CELSR1: variants seen among roughly 807,000 people sequenced by gnomAD.
CELSR1 encodes adhesion G protein-coupled receptor C1.
A neutral mutation model predicts 249.1 loss-of-function variants in CELSR1; 110 were observed. The observed-to-expected ratio is 0.44, with a 90% CI of 0.38 to 0.52. The LOEUF (loss-of-function observed/expected upper bound fraction) is 0.52. Among genes scored for constraint, CELSR1 ranks in the 20% least tolerant of loss-of-function variants. The pLI is 0.00. For synonymous variants in CELSR1, 2,113 were observed against 1,900.0 expected (o/e 1.11, Z -2.92); for missense variants, 4,109 against 4,296.4 (o/e 0.96, Z 1.22).
Position 46,380,966 on chromosome 22 carries a change from G to A in CELSR1, c.7089-11C>T. 1.2e-6 allele frequency: 2 copies of A among 1,610,276 alleles called. No individual in the cohort carries two copies. The highest frequency in any genetic ancestry group is 2.2e-5 in the South Asian group (2 of 90,994). On this transcript the variant is annotated splice_polypyrimidine_tract_variant and intron_variant, in intron 21 of 34. Coordinates refer to ENST00000674500, the MANE Select transcript of CELSR1 (RefSeq NM_001378328.1). The surrounding 1 kb of genome is among the most constrained non-coding windows in gnomAD (Gnocchi z 5.1). ...GGCCGGTGAGGCAACCTGAGGTCAAGAAGCCAGAGCATGGGGACAAACACG... is the reference window on the plus strand; with the variant it reads ...GGCCGGTGAGGCAACCTGAGGTCAAAAAGCCAGAGCATGGGGACAAACACG...
chr22:46,398,730 G>T lies in CELSR1; in HGVS notation c.5413-93C>A. 1 of 994,888 alleles carries T rather than the reference G, an allele frequency of 1.0e-6. No homozygotes were observed. The highest frequency in any genetic ancestry group is 1.5e-6 in the Non-Finnish European group (1 of 672,554). The allele number at this position is 994,888 out of a possible 1,614,324, so 61.6% of individuals were successfully genotyped here. On this transcript the variant is annotated intron_variant, in intron 10 of 34. Transcript: ENST00000674500. The surrounding 1 kb of genome is among the most constrained non-coding windows in gnomAD (Gnocchi z 7.2). ...GAAGGATACACTGGAAGTCTAAACA[G>T]TCACTTCAACAAACTCCGCAGAGCC...
rs1177229784 is a variant in CELSR1, at chr22:46,362,874, C to T, written c.*349G>A. 2.3e-6 allele frequency: 1 copy of T among 434,628 alleles called. No individual in the cohort carries two copies. Among genetic ancestry groups the T allele is most frequent in the East Asian group, 3.6e-5 (1 of 27,870 alleles). 26.9% of individuals were successfully genotyped at this position (434,628 alleles called of 1,614,324 possible). On this transcript the variant is annotated 3_prime_UTR_variant, in exon 35 of 35. Transcript: ENST00000674500. The stretch of plus-strand genomic sequence containing the variant: ...GTGCCCGGCGTTCCTGAACTCTGGC[C>T]AGCCTCTGGGCCCAGTCTGGGGTCC...
rs1245680548 is a variant in CELSR1 at position 46,374,902 on chromosome 22, C to T, written c.7585-1845G>A. Among the ~76,000 whole-genome samples the T allele has an allele frequency of 1.3e-5, 2 of 152,188 alleles. No homozygotes were observed. Among genetic ancestry groups the T allele is most frequent in the African/African-American group, 2.4e-5 (1 of 41,456 alleles). On this transcript the variant is annotated intron_variant, in intron 24 of 34. Transcript: ENST00000674500. The surrounding 1 kb of genome is among the most constrained non-coding windows in gnomAD (Gnocchi z 4.3). ...CGGAGCCCCCGCCAGCCCGGGGCCT[C>T]GGCCTCGGGAAGCACCTGGGAGGCG...
Position 46,389,381 on chromosome 22 carries a change from G to C in CELSR1, c.6464C>G (p.Thr2155Arg). ...TGTLFGNDVR[T>R]AYQLLGHVLQ... The stretch of plus-strand genomic sequence containing the variant: ...GACGTGGCCCAGCAGCTGGTAGGCC[G>C]TGCGCACGTCATTGCCAAAGAGCGT... Residue 2155 changes from threonine (T) to arginine (R), a missense_variant, in exon 18 of 35, where the codon ACG becomes AGG. Around this residue, in one of 7 missense-constraint regions of CELSR1, gnomAD observed 1,805 missense variants for 1,831.6 expected, o/e 0.99. Transcript: ENST00000674500. The C allele has an allele frequency of 1.2e-6, 2 of 1,611,234 alleles. No homozygotes were observed. The highest frequency in any genetic ancestry group is 1.7e-6 in the Non-Finnish European group (2 of 1,179,894).
Position 46,445,012 on chromosome 22 carries a change from G to C in CELSR1, c.4184-5601C>G, listed in dbSNP as rs150223969. 1.3e-5 allele frequency among the ~76,000 whole-genome samples: 2 copies of C among 151,724 alleles called. No individual in the cohort carries two copies. Among genetic ancestry groups the C allele is most frequent in the African/African-American group, 4.8e-5 (2 of 41,296 alleles). On this transcript the variant is annotated intron_variant, in intron 2 of 34. Transcript: ENST00000674500. This position sits in a 1 kb window ranked among gnomAD's most constrained non-coding sequence, Gnocchi z 4.4. ...CCTGAGATCAGGGGTTCGCGAGCCT[G>C]GCCAACATGGTGAAACCCAATCTCT...
At chr22:46,498,472 C>A (rs566314222) in intron 1 of CELSR1, among the ~76,000 whole-genome samples, 9 of 149,384 alleles carry the variant, frequency 6.0e-5, no homozygotes, top group African/African-American at 2.0e-4. Flanking sequence ...ATTAGCCGGG[C>A]GTGGTGGCAG....
Position 46,410,441 on chromosome 22 carries a change from A to G in CELSR1, c.4890T>C (p.Asn1630=), listed in dbSNP as rs1187333064. 3 of 1,613,790 alleles carry G rather than the reference A, an allele frequency of 1.9e-6. No individual in the cohort carries two copies. Among genetic ancestry groups the G allele is most frequent in the Admixed American group, 3.3e-5 (2 of 59,998 alleles). The change falls in exon 7 of 35, where the codon AAT becomes AAC. Residue 1630 remains asparagine (N), a synonymous_variant. Coordinates refer to ENST00000674500, the MANE Select transcript of CELSR1 (RefSeq NM_001378328.1). The surrounding 1 kb of genome is among the most constrained non-coding windows in gnomAD (Gnocchi z 6.8). The part of the protein sequence containing the change: ...CMRNLSVDGK[N]VDMAGFIANN... ...TGGCGATGAATCCGGCCATGTCCAC[A>G]TTTTTGCCGTCGACTGACAGGTTCC...
chr22:46,464,804 T>G lies in CELSR1; in HGVS notation c.3545-459A>C, dbSNP rs1157589130. Among the ~76,000 whole-genome samples, 1 of 151,878 alleles carries G rather than the reference T, an allele frequency of 6.6e-6. No individual in the cohort carries two copies. The highest frequency in any genetic ancestry group is 1.5e-5 in the Non-Finnish European group (1 of 67,974). ...TCCAGGGATCCCACCCTGCCCAACC[T>G]CCCAACAGTTCTTCCTGTCCTCGCA... On this transcript the variant is annotated intron_variant, in intron 1 of 34. Coordinates refer to ENST00000674500, the MANE Select transcript of CELSR1 (RefSeq NM_001378328.1). This position sits in a 1 kb window ranked among gnomAD's most constrained non-coding sequence, Gnocchi z 8.5.
At chr22:46,431,154 T>C (rs1378631840) in intron 5 of CELSR1, among the ~76,000 whole-genome samples, 3 of 152,214 alleles carry the variant, frequency 2.0e-5, no homozygotes, top group East Asian at 3.9e-4. Context: ...TCTTCTTACA[T>C]GAGGCCCCTC....
In CELSR1 at chr22:46,365,701, A is replaced by G; in HGVS notation, c.8301-12T>C. The G allele has an allele frequency of 6.4e-7, 1 of 1,558,408 alleles. No individual in the cohort carries two copies. Among genetic ancestry groups the G allele is most frequent in the South Asian group, 1.2e-5 (1 of 84,878 alleles). ...GGATCCCTTCATCCCTAGAGAGGCCAGGGAGGGTGGGCTCAGTATCATCCG... is the reference window on the plus strand; with the variant it reads ...GGATCCCTTCATCCCTAGAGAGGCCGGGGAGGGTGGGCTCAGTATCATCCG... On this transcript the variant is annotated splice_polypyrimidine_tract_variant and intron_variant, in intron 30 of 34. Coordinates refer to ENST00000674500, the MANE Select transcript of CELSR1 (RefSeq NM_001378328.1).
chr22:46,438,357 G>A (rs574007296), intron 3 of CELSR1, among the ~76,000 whole-genome samples: 24 of 152,030 alleles, frequency 1.6e-4, no homozygotes, highest in African/African-American at 4.3e-4. Context: ...GCAGCTAGGC[G>A]CCCCCCAACC....
At chr22:46,528,978 A>G (rs1042203341) in intron 1 of CELSR1, among the ~76,000 whole-genome samples, 8 of 142,758 alleles carry the variant, frequency 5.6e-5, no homozygotes, top group African/African-American at 2.1e-4. Flanking sequence ...AAAGAATGAG[A>G]TCCTGGGCCG....
At position 46,411,303 on chromosome 22, in the gene CELSR1, C is replaced by T. The variant is rs12165900; in HGVS notation, c.4769+299G>A. 0.088 allele frequency among the ~76,000 whole-genome samples: 13,455 copies of T among 152,196 alleles called. 820 individuals carry two copies. Among genetic ancestry groups the T allele is most frequent in the African/African-American group, 0.18 (7,314 of 41,500 alleles). ...CTGGAGTCCCAGGTACCAGAATTTG[C>T]GGGGACAAAGCCAGTGATCCGTGGA... On this transcript the variant is annotated intron_variant, in intron 6 of 34. Coordinates refer to ENST00000674500, the MANE Select transcript of CELSR1 (RefSeq NM_001378328.1). The surrounding 1 kb of genome is among the most constrained non-coding windows in gnomAD (Gnocchi z 4.2).
rs775135496 is a variant in CELSR1, at chr22:46,533,745, G to A, written c.3426C>T (p.Phe1142=). ...PDVSDSLNYT[F]VQGNELRLLL... ...ACAGGCGCAGCTCGTTGCCCTGCAC[G>A]AAGGTGTAGTTGAGGCTGTCTGACA... Residue 1142 remains phenylalanine (F), a synonymous_variant, in exon 1 of 35, where the codon TTC becomes TTT. Coordinates refer to ENST00000674500, the MANE Select transcript of CELSR1 (RefSeq NM_001378328.1). The A allele has an allele frequency of 5.0e-6, 8 of 1,613,392 alleles. No homozygotes were observed. Among genetic ancestry groups the A allele is most frequent in the African/African-American group, 1.3e-5 (1 of 75,078 alleles).
chr22:46,488,377 C>T lies in CELSR1; in HGVS notation c.3545-24032G>A, dbSNP rs1390181079. ...TGAGCCCTTCCTGCTCCTAAGCCCG[C>T]AGCTTCCCTGCTCGCCTACAGCCGG... On this transcript the variant is annotated intron_variant, in intron 1 of 34. Coordinates refer to ENST00000674500, the MANE Select transcript of CELSR1 (RefSeq NM_001378328.1). This position sits in a 1 kb window ranked among gnomAD's most constrained non-coding sequence, Gnocchi z 4.7. Among the ~76,000 whole-genome samples, 2 of 152,146 alleles carry T rather than the reference C, an allele frequency of 1.3e-5. No individual in the cohort carries two copies. The highest frequency in any genetic ancestry group is 2.9e-5 in the Non-Finnish European group (2 of 68,004).
At chr22:46,522,991 A>G (rs1052048923) in intron 1 of CELSR1, among the ~76,000 whole-genome samples, 11 of 152,272 alleles carry the variant, frequency 7.2e-5, no homozygotes, top group African/African-American at 2.2e-4. Flanking sequence ...GCGGAACTGC[A>G]GGGCAGCTGA....
Position 46,428,656 on chromosome 22 carries a change from G to C in CELSR1, c.4611+4737C>G, listed in dbSNP as rs2079561875. ...TGCCCAGAACAGGCCTCACAATGAA[G>C]GGTCATCGTCCCCAAGGGGCGGCAG... On this transcript the variant is annotated intron_variant, in intron 5 of 34. Transcript: ENST00000674500. The surrounding 1 kb of genome is among the most constrained non-coding windows in gnomAD (Gnocchi z 5.7). Among the ~76,000 whole-genome samples the C allele has an allele frequency of 6.6e-6, 1 of 152,196 alleles. No homozygotes were observed. Among genetic ancestry groups the C allele is most frequent in the African/African-American group, 2.4e-5 (1 of 41,452 alleles).
rs956948925 is a variant in CELSR1 at position 46,472,255 on chromosome 22, G to A, written c.3545-7910C>T. Among the ~76,000 whole-genome samples, 1 of 152,232 alleles carries A rather than the reference G, an allele frequency of 6.6e-6. No homozygotes were observed. Among genetic ancestry groups the A allele is most frequent in the Non-Finnish European group, 1.5e-5 (1 of 68,054 alleles). ...GGAAGGAACTTTCTGGGTCTTCATG[G>A]AGGTTGGGACCTGTCCAGTCCCCGA... On this transcript the variant is annotated intron_variant, in intron 1 of 34. Transcript: ENST00000674500. The surrounding 1 kb of genome is among the most constrained non-coding windows in gnomAD (Gnocchi z 7.0).
intron 1 of CELSR1, among the ~76,000 whole-genome samples, chr22:46,524,833 G>A (rs939944416): frequency 3.9e-5 from 6 of 152,168 alleles, no homozygotes; most frequent in African/African-American, 1.4e-4. Context: ...CAGCACGTGT[G>A]GGAGGAAACG....
Sources: gnomAD v4.1 joint callset for allele counts (sites outside exome capture counted in the v4.1 genomes callset) on GRCh38, gnomAD v4.1.1 for gene constraint, gnomAD v4.1.1 regional missense constraint, Gnocchi (gnomAD v3.1) non-coding constraint, MANE v1.5 for transcripts, NCBI Gene and HGNC (gene_info 2026-07-23, HGNC 2026-07-21) for gene names.